LY96: variants seen among roughly 807,000 people sequenced by gnomAD.
LY96 encodes the protein myeloid differentiation protein-2.
LY96 carries 18 observed loss-of-function variants against 18.9 expected under a neutral mutation model. The observed-to-expected ratio is 0.95, with a 90% CI of 0.66 to 1.41. The LOEUF (loss-of-function observed/expected upper bound fraction) is 1.41. LY96 is among the 40% of genes most tolerant of loss of function. The probability of loss-of-function intolerance (pLI) is 0.00; values close to 1 mark genes in which losing one functional copy is unlikely to be tolerated. For synonymous variants in LY96, 66 were observed against 62.6 expected (o/e 1.06, Z -0.26); for missense variants, 175 against 182.4 (o/e 0.96, Z 0.23).
At chr8:74,073,147 C>T in the LY96 span, among the ~76,000 whole-genome samples, 1 of 152,328 alleles carries the variant, frequency 6.6e-6, no homozygotes, top group African/African-American at 2.4e-5. Context: ...GTCTTGTTGC[C>T]TCTGACCTTG....
At chr8:74,002,021 TCC>T (rs1440490978) in intron 1 of LY96, among the ~76,000 whole-genome samples, 182 of 15,750 alleles carry the variant, frequency 0.012, 5 homozygotes, top group African/African-American at 0.057. Context: ...CTTCCTTCCT[TCC>T]TTCCTTCCTT....
the LY96 span, among the ~76,000 whole-genome samples, chr8:74,082,979 G>C: frequency 1.8e-4 from 28 of 152,196 alleles, no homozygotes; most frequent in African/African-American, 6.7e-4. Flanking sequence ...GGTGAGAGAG[G>C]ACTTCCTGCT....
intron 3 of LY96, among the ~76,000 whole-genome samples, chr8:74,013,881 G>A (rs1816583606): frequency 6.6e-6 from 1 of 152,028 alleles, no homozygotes; most frequent in Admixed American, 6.6e-5. Flanking sequence ...CAAAATATTG[G>A]CCGGTATCCT....
chr8:74,006,186 T>TTC, intron 2 of LY96, among the ~76,000 whole-genome samples: 1 of 152,076 alleles, frequency 6.6e-6, no homozygotes, highest in South Asian at 2.1e-4. Flanking sequence ...TGATAAGATA[T>TTC]TCTCTCTCTC....
Position 73,996,294 on chromosome 8 carries a change from C to G in LY96, c.112+4740C>G, listed in dbSNP as rs537792961. 4.6e-5 allele frequency among the ~76,000 whole-genome samples: 7 copies of G among 152,072 alleles called. No individual in the cohort carries two copies. The South Asian group carries it at 1.5e-3, about 32-fold the overall frequency. On this transcript the variant is annotated intron_variant, in intron 1 of 4. Coordinates refer to ENST00000284818, the MANE Select transcript of LY96 (RefSeq NM_015364.5). ...CTGGAATTACATGCATGAGCCACCA[C>G]GCTAGGCCTAAAACCTGTTTCTTTT...
At chr8:74,088,837 C>T in the LY96 span, among the ~76,000 whole-genome samples, 21 of 152,288 alleles carry the variant, frequency 1.4e-4, no homozygotes, top group South Asian at 2.1e-4. Flanking sequence ...CAGCCTGCCT[C>T]GGTCTCCCTA....
chr8:74,069,311 T>A, the LY96 span, among the ~76,000 whole-genome samples: 4 of 152,222 alleles, frequency 2.6e-5, no homozygotes, highest in Non-Finnish European at 5.9e-5. Flanking sequence ...AGCAGTTTTA[T>A]CCATTTAGGT....
chr8:74,077,962 G>A, the LY96 span, among the ~76,000 whole-genome samples: 36 of 151,998 alleles, frequency 2.4e-4, no homozygotes, highest in Admixed American at 3.9e-4. Context: ...AAAAAAATTA[G>A]CTGAGTGTGG....
At chr8:74,054,671 T>TCTTTCTTC in the LY96 span, among the ~76,000 whole-genome samples, 6 of 145,742 alleles carry the variant, frequency 4.1e-5, no homozygotes, top group East Asian at 1.0e-3. Context: ...TTTCTTTCTT[T>TCTTTCTTC]CTTTTTATTT....
chr8:73,996,926 G>A (rs1816161252), intron 1 of LY96, among the ~76,000 whole-genome samples: 1 of 151,720 alleles, frequency 6.6e-6, no homozygotes, highest in South Asian at 2.1e-4. Context: ...TGTGTTTTTA[G>A]TAGAGACGGG....
intron 2 of LY96, among the ~76,000 whole-genome samples, chr8:74,009,135 G>A (rs1816474669): frequency 6.6e-6 from 1 of 151,462 alleles, no homozygotes; most frequent in African/African-American, 2.4e-5. Flanking sequence ...GGTGGCTCAT[G>A]CCTGTAATCC....
intron 1 of LY96, among the ~76,000 whole-genome samples, chr8:74,001,966 CCT>C (rs1816280934): frequency 7.1e-6 from 1 of 141,014 alleles, no homozygotes; most frequent in Non-Finnish European, 1.5e-5. Context: ...TTCCTTCCTT[CCT>C]TCCTTCCTTC....
At chr8:74,067,558 A>G in the LY96 span, among the ~76,000 whole-genome samples, 1 of 152,050 alleles carries the variant, frequency 6.6e-6, no homozygotes. Context: ...CAGTGACTCC[A>G]TTTTGATCCT....
At chr8:74,086,273 A>G in the LY96 span, among the ~76,000 whole-genome samples, 13 of 152,232 alleles carry the variant, frequency 8.5e-5, no homozygotes, top group East Asian at 2.5e-3. Flanking sequence ...TCTTAATACC[A>G]TCTTCTGTCT....
In LY96 at chr8:73,999,689, TAA is replaced by T. The variant is rs909440321; in HGVS notation, c.113-5105_113-5104del. 8.7e-4 allele frequency among the ~76,000 whole-genome samples: 133 copies of T among 152,326 alleles called. 2 individuals are homozygous for T. The highest frequency in any genetic ancestry group is 3.1e-3 in the African/African-American group (127 of 41,576). On this transcript the variant is annotated intron_variant, in intron 1 of 4. Transcript: ENST00000284818. ...CATTTTTATTTTCTTTAAAATTTTT[TAA>T]AGTTTCTAATAGAGACAGGGTCTTG...
At chr8:74,001,908 C>T (rs1210198374) in intron 1 of LY96, among the ~76,000 whole-genome samples, 4 of 151,830 alleles carry the variant, frequency 2.6e-5, no homozygotes, top group Non-Finnish European at 4.4e-5. Flanking sequence ...TTTCCATTTT[C>T]TTCCCTAGAT....
chr8:74,023,719 C>G (rs1477960030), intron 3 of LY96, among the ~76,000 whole-genome samples: 3 of 152,022 alleles, frequency 2.0e-5, no homozygotes, highest in African/African-American at 7.2e-5. Flanking sequence ...CTGGCCAGCT[C>G]GAGGCACCCT....
At chr8:74,080,225 G>A in the LY96 span, among the ~76,000 whole-genome samples, 1 of 152,140 alleles carries the variant, frequency 6.6e-6, no homozygotes, top group Non-Finnish European at 1.5e-5. Flanking sequence ...GGTAAATGGG[G>A]CTTGGAATCA....
At chr8:74,011,954 T>G (rs1414611084) in intron 3 of LY96, among the ~76,000 whole-genome samples, 3 of 98,876 alleles carry the variant, frequency 3.0e-5, no homozygotes, top group Non-Finnish European at 5.6e-5. Flanking sequence ...GGTATATTAC[T>G]AATCATCAGA....
Sources: gnomAD v4.1 joint callset for allele counts (sites outside exome capture counted in the v4.1 genomes callset) on GRCh38, gnomAD v4.1.1 for gene constraint, MANE v1.5 for transcripts, NCBI Gene and HGNC (gene_info 2026-07-23, HGNC 2026-07-21) for gene names.